FARS2: variants seen among roughly 807,000 people sequenced by gnomAD.
The protein encoded by FARS2 is phenylalanyl-tRNA synthetase 2, mitochondrial.
FARS2 carries 40 observed loss-of-function variants against 46.4 expected under a neutral mutation model. The ratio of observed to expected loss-of-function variants is 0.86; its 90% CI spans 0.67 to 1.12. The LOEUF is 1.12. Ranked by LOEUF, FARS2 falls within the 50% of genes most tolerant of loss-of-function variation. The pLI is 0.00. For missense variants in FARS2, 513 were observed against 567.9 expected (o/e 0.90, Z 0.98); for synonymous variants, 234 against 214.9 (o/e 1.09, Z -0.78).
intron 2 of FARS2, among the ~76,000 whole-genome samples, chr6:5,370,164 T>G (rs896109981): frequency 6.6e-6 from 1 of 152,234 alleles, no homozygotes; most frequent in Admixed American, 6.5e-5. Flanking sequence ...TATAGCATCC[T>G]TAGGCCAATA....
intron 4 of FARS2, among the ~76,000 whole-genome samples, chr6:5,444,466 C>CAAAA (rs751990577): frequency 5.5e-5 from 5 of 91,476 alleles, no homozygotes; most frequent in African/African-American, 2.0e-4. Flanking sequence ...GACTCTGTCT[C>CAAAA]AAAAAAAAAA....
chr6:5,420,379 A>G (rs1562027215), intron 3 of FARS2, among the ~76,000 whole-genome samples: 1 of 152,176 alleles, frequency 6.6e-6, no homozygotes, highest in Non-Finnish European at 1.5e-5. Context: ...TGTTAACTCA[A>G]AAGTTCACAG....
chr6:5,502,131 C>G (rs796876402), intron 4 of FARS2, among the ~76,000 whole-genome samples: 50 of 152,324 alleles, frequency 3.3e-4, no homozygotes, highest in African/African-American at 1.2e-3. Flanking sequence ...GAGACTGCTA[C>G]CCCAGCCAGC....
the FARS2 span, among the ~76,000 whole-genome samples, chr6:5,251,546 C>T: frequency 6.6e-6 from 1 of 152,204 alleles, no homozygotes; most frequent in South Asian, 2.1e-4. Flanking sequence ...GAAGGAGATG[C>T]CACATACTTT....
At chr6:5,565,032 A>T (rs1347308885) in intron 5 of FARS2, among the ~76,000 whole-genome samples, 1 of 152,200 alleles carries the variant, frequency 6.6e-6, no homozygotes, top group Non-Finnish European at 1.5e-5. Flanking sequence ...TGTCCTGTTG[A>T]TGAAGAAAAA....
At chr6:5,482,561 A>G (rs1006500833) in intron 4 of FARS2, among the ~76,000 whole-genome samples, 2 of 152,198 alleles carry the variant, frequency 1.3e-5, no homozygotes, top group African/African-American at 4.8e-5. Context: ...GAACACTCGA[A>G]TGCCAGGTGG....
intron 4 of FARS2, among the ~76,000 whole-genome samples, chr6:5,504,460 A>G (rs1007383468): frequency 3.9e-5 from 5 of 128,582 alleles, no homozygotes; most frequent in African/African-American, 1.4e-4. Context: ...AAAAAAAAAG[A>G]ATTGAGAACA....
intron 6 of FARS2, among the ~76,000 whole-genome samples, chr6:5,760,958 C>T (rs193261292): frequency 6.6e-6 from 1 of 152,306 alleles, no homozygotes; most frequent in East Asian, 1.9e-4. Context: ...GGTCATGCGC[C>T]GTCTGAAGAG....
chr6:5,536,776 G>T (rs1770231093), intron 4 of FARS2, among the ~76,000 whole-genome samples: 3 of 152,124 alleles, frequency 2.0e-5, no homozygotes, highest in Non-Finnish European at 4.4e-5. Flanking sequence ...GTCTTTCCAG[G>T]TTTCTCAGGA....
chr6:5,393,141 A>G (rs1192072165), intron 2 of FARS2, among the ~76,000 whole-genome samples: 4 of 152,036 alleles, frequency 2.6e-5, no homozygotes, highest in African/African-American at 9.7e-5. Flanking sequence ...TGGATATACT[A>G]GTATTTCTGA....
intron 5 of FARS2, among the ~76,000 whole-genome samples, chr6:5,548,133 A>T (rs1053940386): frequency 6.6e-6 from 1 of 152,196 alleles, no homozygotes; most frequent in Non-Finnish European, 1.5e-5. Context: ...GTGAGACTTA[A>T]TCACTATCAC....
At chr6:5,375,488 AAATT>A (rs1242618123) in intron 2 of FARS2, among the ~76,000 whole-genome samples, 2 of 152,064 alleles carry the variant, frequency 1.3e-5, no homozygotes, top group African/African-American at 4.8e-5. Flanking sequence ...AATTCATCCA[AAATT>A]AATCTACAAA....
intron 1 of FARS2, among the ~76,000 whole-genome samples, chr6:5,305,695 T>A (rs955485048): frequency 2.0e-5 from 3 of 152,196 alleles, no homozygotes; most frequent in Admixed American, 1.3e-4. Flanking sequence ...TGGTCCAGTG[T>A]CCTTTCCTCT....
chr6:5,579,666 A>G (rs1773213058), intron 5 of FARS2, among the ~76,000 whole-genome samples: 1 of 152,226 alleles, frequency 6.6e-6, no homozygotes, highest in Non-Finnish European at 1.5e-5. Flanking sequence ...CCATTAGAAC[A>G]TGCTTTATAC....
At chr6:5,634,638 G>T (rs994038086) in intron 6 of FARS2, among the ~76,000 whole-genome samples, 2 of 152,032 alleles carry the variant, frequency 1.3e-5, no homozygotes, top group African/African-American at 4.8e-5. Flanking sequence ...AGTACTTTAG[G>T]TACCAGCTGT....
intron 5 of FARS2, chr6:5,609,613 G>A (rs1775058985): frequency 6.6e-6 from 8 of 1,219,846 alleles, no homozygotes; most frequent in South Asian, 3.6e-5. Flanking sequence ...CACCTCTTTG[G>A]CTGAAAGAAG....
intron 1 of FARS2, among the ~76,000 whole-genome samples, chr6:5,358,042 C>T (rs1396083368): frequency 6.6e-6 from 1 of 152,126 alleles, no homozygotes; most frequent in Non-Finnish European, 1.5e-5. Flanking sequence ...TATGCAGTGA[C>T]TTCATTTAGA....
intron 6 of FARS2, among the ~76,000 whole-genome samples, chr6:5,693,708 C>A (rs560761918): frequency 3.5e-4 from 53 of 152,302 alleles, no homozygotes; most frequent in African/African-American, 1.2e-3. Flanking sequence ...GGAGTGACTG[C>A]TTGGCTAGGC....
At chr6:5,589,461 T>C (rs1440895490) in intron 5 of FARS2, among the ~76,000 whole-genome samples, 2 of 152,242 alleles carry the variant, frequency 1.3e-5, no homozygotes, top group Non-Finnish European at 2.9e-5. Context: ...AGTAATCTTC[T>C]CTTGAACAAT....
Sources: gnomAD v4.1 joint callset for allele counts (sites outside exome capture counted in the v4.1 genomes callset) on GRCh38, gnomAD v4.1.1 for gene constraint, MANE v1.5 for transcripts, NCBI Gene and HGNC (gene_info 2026-07-23, HGNC 2026-07-21) for gene names.